The following GRID2 variants were observed in gnomAD, a reference collection of about 807,000 sequenced individuals.
The protein encoded by GRID2 is glutamate receptor ionotropic, delta-2.
In GRID2, 33 loss-of-function variants were observed where a neutral mutation model predicts 114.8. The ratio of observed to expected loss-of-function variants is 0.29; its 90% CI spans 0.22 to 0.38. GRID2 has a LOEUF of 0.38. Ranked by LOEUF, GRID2 falls within the 10% of genes least tolerant of loss-of-function variation. The pLI, the probability that GRID2 is intolerant of heterozygous loss-of-function variation, is 1.00. For missense variants in GRID2, 1,184 were observed against 1,257.7 expected, an observed-to-expected ratio of 0.94 and a Z score of 0.89; for synonymous variants, 505 against 449.9, an observed-to-expected ratio of 1.12 and a Z score of -1.55.
intron 14 of GRID2, among the ~76,000 whole-genome samples, chr4:93,704,278 G>A (rs956316562): frequency 2.6e-5 from 4 of 152,102 alleles, no homozygotes; most frequent in African/African-American, 7.2e-5. Context: ...GTGTCTTTTG[G>A]CTGCATAAAT....
At chr4:92,928,176 C>G (rs1167351277) in intron 2 of GRID2, among the ~76,000 whole-genome samples, 1 of 151,780 alleles carries the variant, frequency 6.6e-6, no homozygotes, top group East Asian at 1.9e-4. Flanking sequence ...AACCACCAGT[C>G]TATTTTATTA....
At chr4:92,517,931 A>G (rs557677569) in intron 1 of GRID2, among the ~76,000 whole-genome samples, 1 of 151,886 alleles carries the variant, frequency 6.6e-6, no homozygotes, top group Non-Finnish European at 1.5e-5. Flanking sequence ...AACCAAAAAA[A>G]CCCACTGTAT....
Position 93,790,533 on chromosome 4 carries a change from A to G in GRID2, c.222-16182A>G, listed in dbSNP as rs146150749. Among the ~76,000 whole-genome samples, 1,151 of 134,352 alleles carry G rather than the reference A, an allele frequency of 8.6e-3. 10 individuals carry two copies. The highest frequency in any genetic ancestry group is 0.014 in the Middle Eastern group (4 of 276). The allele number at this position is 134,352 out of a possible 152,430, so 88.1% of individuals were successfully genotyped here. On this transcript the variant is annotated intron_variant, in intron 1 of 1. Coordinates refer to the GRID2 transcript ENST00000637838. ...TGCTTCTTTAGGTTAGCCCTCAAAA[A>G]ATGTTATTTAACTATAATTTTTTTT...
At chr4:93,706,879 AT>A (rs1196568077) in intron 14 of GRID2, among the ~76,000 whole-genome samples, 1 of 152,106 alleles carries the variant, frequency 6.6e-6, no homozygotes, top group East Asian at 1.9e-4. Flanking sequence ...GTATTGAGGC[AT>A]GTTCTTTCTA....
intron 3 of GRID2, 43 bp downstream of exon 3, chr4:93,085,322 G>A: frequency 7.1e-7 from 1 of 1,409,198 alleles, no homozygotes; most frequent in Non-Finnish European, 1.0e-6. Flanking sequence ...GCTGATATTT[G>A]CATGAGAAGC....
chr4:93,648,682 C>T (rs548599232), intron 14 of GRID2, among the ~76,000 whole-genome samples: 29 of 152,288 alleles, frequency 1.9e-4, no homozygotes, highest in African/African-American at 6.3e-4. Flanking sequence ...GTTCTGGTTT[C>T]GCAGGCATGT....
chr4:92,901,617 T>A (rs1747588471), intron 2 of GRID2, among the ~76,000 whole-genome samples: 1 of 152,148 alleles, frequency 6.6e-6, no homozygotes. Context: ...TATTTATAGT[T>A]TCATTTGATT....
At chr4:92,533,614 C>A (rs1213095453) in intron 1 of GRID2, among the ~76,000 whole-genome samples, 1 of 152,004 alleles carries the variant, frequency 6.6e-6, no homozygotes, top group East Asian at 1.9e-4. Flanking sequence ...CATCCCCTTT[C>A]TTTATTTTTT....
At chr4:92,413,042 T>C (rs1731417310) in intron 1 of GRID2, among the ~76,000 whole-genome samples, 1 of 152,316 alleles carries the variant, frequency 6.6e-6, no homozygotes, top group South Asian at 2.1e-4. Context: ...TTTCAGTGAG[T>C]TTCCTTTTTA....
chr4:93,599,857 G>A (rs1020086267), intron 13 of GRID2, among the ~76,000 whole-genome samples: 3 of 152,144 alleles, frequency 2.0e-5, no homozygotes, highest in Admixed American at 6.5e-5. Flanking sequence ...ACAGGATGGA[G>A]TTAGGGTTGC....
intron 4 of GRID2, among the ~76,000 whole-genome samples, chr4:93,127,351 A>G (rs903801969): frequency 6.6e-6 from 1 of 152,150 alleles, no homozygotes; most frequent in Non-Finnish European, 1.5e-5. Flanking sequence ...AGAGTGTGCT[A>G]GATTGCCTTT....
chr4:92,641,157 G>A (rs1358548996), intron 2 of GRID2, among the ~76,000 whole-genome samples: 1 of 151,598 alleles, frequency 6.6e-6, no homozygotes, highest in East Asian at 1.9e-4. Context: ...TGCCTGGTAT[G>A]GAGGAGATGA....
intron 3 of GRID2, among the ~76,000 whole-genome samples, chr4:93,096,438 G>A (rs1484870049): frequency 6.6e-6 from 1 of 151,842 alleles, no homozygotes; most frequent in Non-Finnish European, 1.5e-5. Context: ...ACATAGATCC[G>A]AAAAACGTAT....
intron 13 of GRID2, among the ~76,000 whole-genome samples, chr4:93,569,315 T>C (rs1191425226): frequency 6.6e-5 from 10 of 152,180 alleles, no homozygotes; most frequent in Non-Finnish European, 1.5e-5. Flanking sequence ...TAAAACATTA[T>C]CTTAGTTTCT....
At chr4:93,395,275 C>T (rs1765222731) in intron 8 of GRID2, among the ~76,000 whole-genome samples, 1 of 151,728 alleles carries the variant, frequency 6.6e-6, no homozygotes, top group South Asian at 2.1e-4. Context: ...TTAAAAAAGA[C>T]ATTATGTTAG....
Position 93,553,772 on chromosome 4 carries a change from G to A in GRID2, c.2193+38361G>A, listed in dbSNP as rs572188545. 4.2e-4 allele frequency among the ~76,000 whole-genome samples: 64 copies of A among 152,128 alleles called. 1 individual carries two copies. Among genetic ancestry groups the A allele is most frequent in the African/African-American group, 1.1e-3 (44 of 41,534 alleles). Reference sequence around the variant, plus strand: ...GTACATTTATGAGAAAAAGAAAATCGGAAATTAGTTTAGCATATATTTATC... The same window carrying A: ...GTACATTTATGAGAAAAAGAAAATCAGAAATTAGTTTAGCATATATTTATC... On this transcript the variant is annotated intron_variant, in intron 13 of 15. Transcript: ENST00000282020.
At chr4:93,409,853 T>G (rs1464404215) in intron 9 of GRID2, among the ~76,000 whole-genome samples, 1 of 152,214 alleles carries the variant, frequency 6.6e-6, no homozygotes. Flanking sequence ...AACTGCATTT[T>G]TAGATTAAAC....
chr4:93,321,793 A>G (rs1292656602), intron 8 of GRID2, among the ~76,000 whole-genome samples: 1 of 151,986 alleles, frequency 6.6e-6, no homozygotes, highest in Non-Finnish European at 1.5e-5. Flanking sequence ...GAAATTTCAC[A>G]TTTGTGATTA....
intron 4 of GRID2, among the ~76,000 whole-genome samples, chr4:93,191,123 TAGA>T (rs1284516377): frequency 6.6e-6 from 1 of 152,144 alleles, no homozygotes; most frequent in South Asian, 2.1e-4. Flanking sequence ...TTAATAAAAT[TAGA>T]AGGATGAAGA....
Sources: allele counts gnomAD v4.1 joint callset (sites outside exome capture counted in the v4.1 genomes callset), GRCh38; gene constraint gnomAD v4.1.1; transcripts MANE v1.5; gene names NCBI Gene and HGNC (gene_info 2026-07-23, HGNC 2026-07-21).